The following CPNE9 variants were observed in gnomAD, a reference collection of about 807,000 sequenced individuals.
CPNE9 encodes the protein copine-9.
Under a neutral mutation model 83.0 loss-of-function variants are expected in CPNE9, and 59 were observed. That is an observed-to-expected ratio of 0.71 (90% CI 0.58 to 0.88). The LOEUF (loss-of-function observed/expected upper bound fraction) is 0.88. Ranked by LOEUF, CPNE9 falls within the 40% of genes least tolerant of loss-of-function variation. CPNE9 has a pLI of 0.00. For missense variants in CPNE9, 619 were observed against 720.8 expected (o/e 0.86, Z 1.62); for synonymous variants, 256 against 273.4 (o/e 0.94, Z 0.63).
rs927196324 is a variant in CPNE9 at position 9,705,625 on chromosome 3, C to G, written c.298-93C>G. ...ATCTTCTTCAGGCCCCCAACCCACC[C>G]TCCTGGTCCCTCTCCTCCTGCCTGA... On this transcript the variant is annotated intron_variant, in intron 5 of 20. Transcript: ENST00000383832. 69 of 1,571,894 alleles carry G rather than the reference C, an allele frequency of 4.4e-5. 1 individual carries two copies. The East Asian group carries it at 1.5e-3, about 35-fold the overall frequency.
chr3:9,711,268 T>G, intron 7 of CPNE9, among the ~76,000 whole-genome samples: 1 of 152,248 alleles, frequency 6.6e-6, no homozygotes, highest in Middle Eastern at 3.4e-3. Flanking sequence ...AAGGGCTTGA[T>G]CTCAGCTCAC....
At position 9,712,833 on chromosome 3, in the gene CPNE9, GTCACTGCCA is replaced by G. The variant is rs770178491; in HGVS notation, c.545+9_545+17del. ...CAGGAGCAATGAGGATGGCACGTGA[GTCACTGCCA>G]TCAGGGCTGTTAGGCTGGGGTGGGC... is the stretch of plus-strand genomic sequence containing the variant. On this transcript the variant is annotated splice_donor_region_variant and intron_variant, in intron 9 of 20. Transcript: ENST00000383832. 1.9e-6 allele frequency: 3 copies of G among 1,609,182 alleles called. No individual in the cohort carries two copies. In the East Asian group the frequency reaches 6.7e-5, roughly 36 times the overall value.
rs1401107058 is a variant in CPNE9 at position 9,728,383 on chromosome 3, G to A, written c.1477-1124G>A. 3.3e-5 allele frequency among the ~76,000 whole-genome samples: 5 copies of A among 152,284 alleles called. No individual in the cohort carries two copies. In the East Asian group the frequency reaches 9.6e-4, roughly 29 times the overall value. On this transcript the variant is annotated intron_variant, in intron 20 of 20. Coordinates refer to ENST00000383832, the MANE Select transcript of CPNE9 (RefSeq NM_153635.3). ...TCACGCTTGTAATCCCAGCACTTTG[G>A]GAGGCTGAGGCGGGCGGATTGCCTG...
chr3:9,707,521 T>C (rs2076576503), intron 7 of CPNE9, among the ~76,000 whole-genome samples: 2 of 151,270 alleles, frequency 1.3e-5, no homozygotes, highest in South Asian at 2.1e-4. Flanking sequence ...TCCTGACAGA[T>C]TGAATATGAA....
chr3:9,710,750 G>C (rs961477862), intron 7 of CPNE9, among the ~76,000 whole-genome samples: 1 of 152,184 alleles, frequency 6.6e-6, no homozygotes, highest in African/African-American at 2.4e-5. Flanking sequence ...AAAAGATTGG[G>C]CCAGTGGCTC....
At position 9,714,945 on chromosome 3, in the gene CPNE9, C is replaced by A. The variant is rs758548383; in HGVS notation, c.682C>A (p.Arg228=). 1 of 1,613,788 alleles carries A rather than the reference C, an allele frequency of 6.2e-7. No homozygotes were observed. The highest frequency in any genetic ancestry group is 1.7e-5 in the Admixed American group (1 of 59,996). Residue 228 remains arginine (R), a synonymous_variant, in exon 11 of 21, where the codon CGG becomes AGG. Transcript: ENST00000383832. ...TVKIDVYDWD[R]DGSHDFIGEF... The stretch of plus-strand genomic sequence containing the variant: ...GAAGATTGATGTGTACGACTGGGAC[C>A]GGGATGGAAGGTAGAACTGCCCCAC...
rs149276313 is a variant in CPNE9 at position 9,715,157 on chromosome 3, C to T, written c.693-132C>T. The T allele has an allele frequency of 9.8e-3, 10,340 of 1,060,470 alleles. 80 individuals are homozygous for T. Among genetic ancestry groups the T allele is most frequent in the Non-Finnish European group, 0.013 (9,045 of 720,836 alleles). The allele number at this position is 1,060,470 out of a possible 1,614,324, so 65.7% of individuals were successfully genotyped here. ...CCCGTTTTTCCCCTATGTTTGGCCTCCCTTATGGCCCCAGCACTAGGCTGC... is the reference window on the plus strand; with the variant it reads ...CCCGTTTTTCCCCTATGTTTGGCCTTCCTTATGGCCCCAGCACTAGGCTGC... On this transcript the variant is annotated intron_variant, in intron 11 of 20. Transcript: ENST00000383832.
chr3:9,725,894 T>C, intron 17 of CPNE9, 55 bp from the exon 18 acceptor site: 1 of 1,331,100 alleles, frequency 7.5e-7, no homozygotes, highest in Non-Finnish European at 1.1e-6. Context: ...GGGGGTAAGG[T>C]GTTCCCTTGG....
chr3:9,707,352 CAAAAAAAAAA>C (rs779965477), intron 7 of CPNE9, among the ~76,000 whole-genome samples: 3 of 50,976 alleles, frequency 5.9e-5, no homozygotes, highest in African/African-American at 1.7e-4. Context: ...GATTCTGTCT[CAAAAAAAAAA>C]AAAAAAAAAA....
intron 19 of CPNE9, 139 bp downstream of exon 19, chr3:9,726,861 T>C (rs2076789343): frequency 3.7e-6 from 3 of 821,010 alleles, no homozygotes; most frequent in African/African-American, 3.4e-5. Flanking sequence ...ACAGACCTTC[T>C]CTGAACCTGT....
chr3:9,713,280 C>T (rs1411614217), intron 10 of CPNE9, among the ~76,000 whole-genome samples: 1 of 151,978 alleles, frequency 6.6e-6, no homozygotes, highest in African/African-American at 2.4e-5. Context: ...AGGGATGGAT[C>T]GACTGATGGA....
chr3:9,716,128 C>A, intron 14 of CPNE9, 93 bp downstream of exon 14: 1 of 1,069,426 alleles, frequency 9.4e-7, no homozygotes, highest in Non-Finnish European at 1.4e-6. Flanking sequence ...TGGTCAGGGC[C>A]CAGTGAGACC....
At chr3:9,722,084 A>T (rs2076739028) in intron 17 of CPNE9, among the ~76,000 whole-genome samples, 1 of 151,296 alleles carries the variant, frequency 6.6e-6, no homozygotes, top group Non-Finnish European at 1.5e-5. Flanking sequence ...TGCCCGGCTA[A>T]TTTTTGTATT....
chr3:9,715,900 CTATGGGCCTCA>C, intron 13 of CPNE9, 63 bp from the exon 14 acceptor site: 1 of 1,065,566 alleles, frequency 9.4e-7, no homozygotes, highest in Admixed American at 2.4e-5. Context: ...TTCCAAGCCC[CTATGGGCCTCA>C]CTTCCTTCTG....
chr3:9,725,885 G>C, intron 17 of CPNE9, 64 bp from the exon 18 acceptor site: 2 of 1,237,888 alleles, frequency 1.6e-6, no homozygotes, highest in Non-Finnish European at 2.4e-6. Context: ...GGAAGCTCTG[G>C]GGGTAAGGTG....
At chr3:9,715,910 C>T in intron 13 of CPNE9, 64 bp from the exon 14 acceptor site, 2 of 1,150,566 alleles carry the variant, frequency 1.7e-6, no homozygotes, top group Non-Finnish European at 2.3e-6. Flanking sequence ...CTATGGGCCT[C>T]ACTTCCTTCT....
Position 9,704,947 on chromosome 3 carries a change from C to A in CPNE9, c.213C>A (p.Phe71Leu), listed in dbSNP as rs1342499584. The change falls in exon 4 of 21, where the codon TTC becomes TTA. Residue 71 changes from phenylalanine (F) to leucine (L), a missense_variant. By Grantham distance (22) the Phe-to-Leu change is conservative. This residue lies in a region of CPNE9 where 130 missense variants were observed against 117.5 expected (regional missense o/e 1.11). Transcript: ENST00000383832. The surrounding 1 kb of genome is among the most constrained non-coding windows in gnomAD (Gnocchi z 7.1). The part of the protein sequence containing the change: ...NTLNPDFVRK[F>L]VLDYFFEEKQ... ...TGAACCCAGACTTCGTGCGCAAATT[C>A]GTCCTCGACTATTTCTTTGAGGAAA... 6 of 1,613,440 alleles carry A rather than the reference C, an allele frequency of 3.7e-6. No homozygotes were observed. Among genetic ancestry groups the A allele is most frequent in the Non-Finnish European group, 5.1e-6 (6 of 1,179,906 alleles).
rs2076539349 is a variant in CPNE9, at chr3:9,704,454, C to G, written c.69-133C>G. 1.2e-6 allele frequency: 1 copy of G among 822,160 alleles called. No individual in the cohort carries two copies. The allele number at this position is 822,160 out of a possible 1,614,324, so 50.9% of individuals were successfully genotyped here. A position where few individuals can be genotyped will look rare whatever the true frequency, so the allele number is the denominator to read the frequency against. ...TCCAGAGTGCTGACAGAGCGGACCC[C>G]GGCTGGGGGTAGCCATGGGGGACAG... On this transcript the variant is annotated intron_variant, in intron 1 of 20. Coordinates refer to ENST00000383832, the MANE Select transcript of CPNE9 (RefSeq NM_153635.3). The surrounding 1 kb of genome is among the most constrained non-coding windows in gnomAD (Gnocchi z 7.1).
intron 19 of CPNE9, 34 bp from the exon 20 acceptor site, chr3:9,727,079 G>A (rs2076791082): frequency 1.2e-6 from 2 of 1,613,168 alleles, no homozygotes; most frequent in Non-Finnish European, 1.7e-6. Context: ...GGGCTGGAGA[G>A]GCCAATCAGC....
Sources: gnomAD v4.1 joint callset for allele counts (sites outside exome capture counted in the v4.1 genomes callset) on GRCh38, gnomAD v4.1.1 for gene constraint, gnomAD v4.1.1 regional missense constraint, Gnocchi (gnomAD v3.1) non-coding constraint, MANE v1.5 for transcripts, NCBI Gene and HGNC (gene_info 2026-07-23, HGNC 2026-07-21) for gene names.